Variants in CUBN observed in about 807,000 individuals in gnomAD.
The protein encoded by CUBN is 460 kDa receptor.
In CUBN, 282 loss-of-function variants were observed where a neutral mutation model predicts 405.3. The observed-to-expected ratio is 0.70, with a 90% CI of 0.63 to 0.77. The LOEUF is 0.77. CUBN is among the 30% of genes least tolerant of loss of function. The pLI is 0.00. For missense variants in CUBN, 4,514 were observed against 4,475.2 expected (o/e 1.01, Z -0.25); for synonymous variants, 1,684 against 1,617.0 (o/e 1.04, Z -0.99).
At chr10:17,047,032 TTATAA>T (rs1245826649) in intron 23 of CUBN, among the ~76,000 whole-genome samples, 1 of 152,216 alleles carries the variant, frequency 6.6e-6, no homozygotes, top group East Asian at 1.9e-4. Flanking sequence ...TGCCATCATT[TTATAA>T]TATAATTAGA....
chr10:17,013,294 TTC>T (rs1293345012), intron 28 of CUBN, among the ~76,000 whole-genome samples: 15 of 151,776 alleles, frequency 9.9e-5, no homozygotes, highest in Non-Finnish European at 1.3e-4. Context: ...CTTCCTATCT[TTC>T]TCTTTCTCTC....
chr10:17,039,149 C>T (rs2131812848), intron 27 of CUBN, among the ~76,000 whole-genome samples: 1 of 152,268 alleles, frequency 6.6e-6, no homozygotes, highest in South Asian at 2.1e-4. Context: ...TGGCTTTCTC[C>T]ATTACGCTTT....
chr10:17,097,173 T>C (rs573378766), intron 14 of CUBN, among the ~76,000 whole-genome samples: 2 of 152,158 alleles, frequency 1.3e-5, no homozygotes, highest in African/African-American at 2.4e-5. Flanking sequence ...TTGAAAACAT[T>C]AGTAAAACTA....
intron 33 of CUBN, among the ~76,000 whole-genome samples, chr10:16,950,552 G>A (rs929286155): frequency 6.6e-6 from 1 of 152,212 alleles, no homozygotes; most frequent in Non-Finnish European, 1.5e-5. Context: ...TTCTCCAGCA[G>A]AGAAGTAATG....
intron 44 of CUBN, 140 bp downstream of exon 44, chr10:16,919,823 G>T: frequency 2.1e-6 from 2 of 935,188 alleles, no homozygotes; most frequent in Non-Finnish European, 3.3e-6. Flanking sequence ...GTGTTTTCAG[G>T]CCTGAGCCAT....
At position 16,874,362 on chromosome 10, in the gene CUBN, T is replaced by C; in HGVS notation, c.9236+12A>G. On this transcript the variant is annotated intron_variant, in intron 58 of 66. Coordinates refer to ENST00000377833, the MANE Select transcript of CUBN (RefSeq NM_001081.4). ...AAGGATTTTCTTAAGAAAGCCAATT[T>C]GTCTTACGTACTTGAGCTCGATCAC... 4 of 1,614,140 alleles carry C rather than the reference T, an allele frequency of 2.5e-6. No individual in the cohort carries two copies. The highest frequency in any genetic ancestry group is 3.4e-6 in the Non-Finnish European group (4 of 1,179,972).
chr10:17,086,896 A>G (rs1836122402), intron 15 of CUBN, among the ~76,000 whole-genome samples: 1 of 152,230 alleles, frequency 6.6e-6, no homozygotes, highest in Admixed American at 6.5e-5. Context: ...ATGAATGTGT[A>G]GGAATTTTTT....
Position 16,840,406 on chromosome 10 carries a change from T to C in CUBN, c.9956A>G (p.Lys3319Arg), listed in dbSNP as rs762687726. Reference sequence around the variant, plus strand: ...CAGCTGTAATGCCCACACAGTTATCTTGACCTGCTGATGCGGAGGGGAATC... The same window carrying C: ...CAGCTGTAATGCCCACACAGTTATCCTGACCTGCTGATGCGGAGGGGAATC... ...VIDSPPHQQVKITVWALQLTS... is the reference protein window; with the variant it reads ...VIDSPPHQQVRITVWALQLTS... Residue 3319 changes from lysine (K) to arginine (R), a missense_variant, in exon 62 of 67, where the codon AAG becomes AGG. Coordinates refer to ENST00000377833, the MANE Select transcript of CUBN (RefSeq NM_001081.4). 6.2e-7 allele frequency: 1 copy of C among 1,614,128 alleles called. No individual in the cohort carries two copies. The highest frequency in any genetic ancestry group is 1.1e-5 in the South Asian group (1 of 91,076).
chr10:17,106,926 T>C (rs1260146508), intron 10 of CUBN, among the ~76,000 whole-genome samples: 2 of 152,168 alleles, frequency 1.3e-5, no homozygotes, highest in African/African-American at 2.4e-5. Flanking sequence ...GAAGATAATA[T>C]AGTAACATAA....
At chr10:16,908,121 T>C (rs1215257594) in intron 48 of CUBN, among the ~76,000 whole-genome samples, 1 of 152,140 alleles carries the variant, frequency 6.6e-6, no homozygotes, top group African/African-American at 2.4e-5. Flanking sequence ...ATAAAGCAGA[T>C]ATTTTTCTTT....
intron 27 of CUBN, among the ~76,000 whole-genome samples, chr10:17,022,808 A>C (rs1834533311): frequency 6.6e-6 from 1 of 152,226 alleles, no homozygotes; most frequent in Non-Finnish European, 1.5e-5. Context: ...TTCACTCCCC[A>C]AATCTTAACC....
At position 17,085,639 on chromosome 10, in the gene CUBN, T is replaced by A; in HGVS notation, c.2068A>T (p.Ile690Phe). ...GTGATATGGAAGCCTTGGTCACTAA[T>A]CTGGGAGTCTGAATGGAAGTGAATT... is the stretch of plus-strand genomic sequence containing the variant. ...ARIHFHSDSQISDQGFHITYL... is the reference protein window; with the variant it reads ...ARIHFHSDSQFSDQGFHITYL... Residue 690 changes from isoleucine (I) to phenylalanine (F), a missense_variant, in exon 16 of 67, where the codon ATT (isoleucine) becomes TTT (phenylalanine). By Grantham distance (21) the Ile-to-Phe change is conservative. Transcript: ENST00000377833. 1.2e-6 allele frequency: 2 copies of A among 1,614,120 alleles called. No individual in the cohort carries two copies. Among genetic ancestry groups the A allele is most frequent in the Non-Finnish European group, 1.7e-6 (2 of 1,180,004 alleles).
intron 59 of CUBN, among the ~76,000 whole-genome samples, chr10:16,856,227 T>G (rs1188541982): frequency 6.6e-6 from 1 of 152,140 alleles, no homozygotes; most frequent in Non-Finnish European, 1.5e-5. Context: ...TTACTACACA[T>G]TTTGGGGCCA....
intron 64 of CUBN, among the ~76,000 whole-genome samples, chr10:16,832,962 G>A (rs954484633): frequency 6.6e-6 from 1 of 152,106 alleles, no homozygotes; most frequent in Non-Finnish European, 1.5e-5. Flanking sequence ...GGCCTAAGCG[G>A]TGGTTTCCTT....
At chr10:17,060,432 T>A (rs560934966) in intron 22 of CUBN, among the ~76,000 whole-genome samples, 1 of 152,232 alleles carries the variant, frequency 6.6e-6, no homozygotes. Context: ...CAATCCCTGG[T>A]TTTTCTACAC....
Position 16,948,602 on chromosome 10 carries a change from A to G in CUBN, c.5085T>C (p.Arg1695=). ...GATGGGGCATGTCGGTGCCACAGTA[A>G]CGGCCTAAATAATGAAGATAATGAC... ...GGHEDAPLRG[R]YCGTDMPHPI... The change falls in exon 35 of 67, where the codon CGT becomes CGC. Residue 1695 remains arginine, a synonymous_variant. Transcript: ENST00000377833. The G allele has an allele frequency of 6.2e-7, 1 of 1,613,740 alleles. No individual in the cohort carries two copies. Among genetic ancestry groups the G allele is most frequent in the Non-Finnish European group, 8.5e-7 (1 of 1,179,808 alleles).
At chr10:16,980,235 CGTT>C (rs1453404814) in intron 31 of CUBN, among the ~76,000 whole-genome samples, 3 of 152,142 alleles carry the variant, frequency 2.0e-5, no homozygotes, top group Non-Finnish European at 4.4e-5. Context: ...CGTTTTTACT[CGTT>C]GGTGGGAGTG....
chr10:17,017,714 T>C (rs918244141), intron 28 of CUBN, among the ~76,000 whole-genome samples: 37 of 152,114 alleles, frequency 2.4e-4, no homozygotes, highest in Non-Finnish European at 5.9e-5. Flanking sequence ...GTCTTTCTGA[T>C]TGGTGAACCC....
chr10:17,063,570 C>A (rs561930230), intron 22 of CUBN, among the ~76,000 whole-genome samples: 1 of 152,076 alleles, frequency 6.6e-6, no homozygotes, highest in African/African-American at 2.4e-5. Flanking sequence ...TTTTATTTTA[C>A]GTGTATCTTA....
Sources: allele counts gnomAD v4.1 joint callset (sites outside exome capture counted in the v4.1 genomes callset), GRCh38; gene constraint gnomAD v4.1.1; transcripts MANE v1.5; gene names NCBI Gene and HGNC (gene_info 2026-07-23, HGNC 2026-07-21).